RAP1A: variants seen among roughly 807,000 people sequenced by gnomAD.
RAP1A encodes RAP1A, member of RAS oncogene family.
A neutral mutation model predicts 26.4 loss-of-function variants in RAP1A; 6 were observed. The ratio of observed to expected loss-of-function variants is 0.23; its 90% CI spans 0.12 to 0.45. The LOEUF (loss-of-function observed/expected upper bound fraction) is 0.45, where lower values mean the gene tolerates loss of function less well. RAP1A is among the 20% of genes least tolerant of loss of function. The pLI, the probability that RAP1A is intolerant of heterozygous loss-of-function variation, is 0.99. For synonymous variants in RAP1A, 73 were observed against 79.4 expected (o/e 0.92, Z 0.43); for missense variants, 121 against 217.2 (o/e 0.56, Z 2.78).
intron 1 of RAP1A, among the ~76,000 whole-genome samples, chr1:111,579,564 T>G (rs1182055827): frequency 6.6e-6 from 1 of 152,054 alleles, no homozygotes; most frequent in East Asian, 1.9e-4. Context: ...AGGGGAAGAA[T>G]AAACTCAGTC....
chr1:111,653,419 C>T (rs887987980), intron 1 of RAP1A, among the ~76,000 whole-genome samples: 2 of 151,980 alleles, frequency 1.3e-5, no homozygotes, highest in East Asian at 1.9e-4. Context: ...CGGTGGCTCA[C>T]GCCTGTAATC....
intron 1 of RAP1A, among the ~76,000 whole-genome samples, chr1:111,582,267 G>T (rs1658271843): frequency 6.6e-6 from 1 of 152,186 alleles, no homozygotes; most frequent in African/African-American, 2.4e-5. Context: ...ACAGGGCAGG[G>T]CAGGGGCAGA....
At chr1:111,613,130 G>A (rs72983191) in intron 1 of RAP1A, among the ~76,000 whole-genome samples, 2,161 of 150,302 alleles carry the variant, frequency 0.014, 45 homozygotes, top group African/African-American at 0.051. Flanking sequence ...GGTAGATAGC[G>A]CTTTTTTGGT....
chr1:111,666,375 C>CAACAT (rs1185566047), intron 1 of RAP1A, among the ~76,000 whole-genome samples: 1 of 152,080 alleles, frequency 6.6e-6, no homozygotes, highest in Non-Finnish European at 1.5e-5. Context: ...CTCAGCCATG[C>CAACAT]AACATGTGCA....
chr1:111,646,875 T>A (rs545247974), intron 1 of RAP1A, among the ~76,000 whole-genome samples: 83 of 152,320 alleles, frequency 5.4e-4, no homozygotes, highest in African/African-American at 1.9e-3. Context: ...CTAGTTGATT[T>A]ATTTTTTCCT....
chr1:111,675,492 A>G (rs1571551116), intron 1 of RAP1A, among the ~76,000 whole-genome samples: 1 of 150,408 alleles, frequency 6.6e-6, no homozygotes. Flanking sequence ...AACAAAAAAA[A>G]CAGCCTGGAG....
intron 1 of RAP1A, among the ~76,000 whole-genome samples, chr1:111,609,346 TA>T (rs1339707449): frequency 6.6e-6 from 1 of 152,208 alleles, no homozygotes; most frequent in African/African-American, 2.4e-5. Context: ...TCATTATTAT[TA>T]TTTTTTTTAA....
Position 111,648,815 on chromosome 1 carries a change from G to C in RAP1A, c.-28+28881G>C, listed in dbSNP as rs1660165744. The C allele has an allele frequency of 1.0e-5, 7 of 681,778 alleles. No individual in the cohort carries two copies. In the East Asian group the frequency reaches 2.0e-4, roughly 19 times the overall value. The allele number at this position is 681,778 out of a possible 1,614,324, so 42.2% of individuals were successfully genotyped here. A position where few individuals can be genotyped will look rare whatever the true frequency, so the allele number is the denominator to read the frequency against. On this transcript the variant is annotated intron_variant, in intron 1 of 7. Transcript: ENST00000369709. ...GTCGATTCTTTCAAGCCAGCTCATT[G>C]TATTGGGCCGAGATGTCTGCCATGA...
chr1:111,588,432 T>G (rs1298100263), intron 1 of RAP1A, among the ~76,000 whole-genome samples: 2 of 152,200 alleles, frequency 1.3e-5, no homozygotes, highest in Non-Finnish European at 2.9e-5. Context: ...TTTCCCTGTT[T>G]AAAAATACTT....
At chr1:111,710,137 A>G (rs1270151895) in intron 7 of RAP1A, among the ~76,000 whole-genome samples, 1 of 150,810 alleles carries the variant, frequency 6.6e-6, no homozygotes, top group Non-Finnish European at 1.5e-5. Context: ...CCCAAAATTG[A>G]TATTGTCAGT....
At chr1:111,621,876 A>G (rs1378306704) in intron 1 of RAP1A, among the ~76,000 whole-genome samples, 1 of 152,158 alleles carries the variant, frequency 6.6e-6, no homozygotes, top group African/African-American at 2.4e-5. Context: ...GCCTTTGTTC[A>G]CTTTTTGTAT....
intron 1 of RAP1A, among the ~76,000 whole-genome samples, chr1:111,630,519 A>G (rs1412202600): frequency 6.6e-6 from 1 of 152,232 alleles, no homozygotes; most frequent in East Asian, 1.9e-4. Context: ...AAACAAGTAA[A>G]TAAGATAATT....
chr1:111,668,005 C>T (rs540676691), intron 1 of RAP1A, among the ~76,000 whole-genome samples: 43 of 152,304 alleles, frequency 2.8e-4, no homozygotes, highest in Non-Finnish European at 5.9e-4. Flanking sequence ...CCCCTCCCCA[C>T]CCCTACTCCT....
At chr1:111,542,192 G>A (rs1557842602), upstream of RAP1A, 1 of 532,738 alleles carries the variant, frequency 1.9e-6, no homozygotes, top group Non-Finnish European at 3.7e-6. Context: ...AAGGAAGATC[G>A]TTTAGACCAG....
chr1:111,604,497 T>C (rs1003745941), intron 1 of RAP1A: 2 of 152,202 alleles, frequency 1.3e-5, no homozygotes, highest in Non-Finnish European at 1.5e-5. Context: ...GTTCAGCTTA[T>C]ACCCTTAAAA....
At chr1:111,690,884 A>G (rs183617995) in intron 1 of RAP1A, among the ~76,000 whole-genome samples, 124 of 152,358 alleles carry the variant, frequency 8.1e-4, no homozygotes, top group African/African-American at 2.9e-3. Context: ...CTATAATACA[A>G]TAATGAACAA....
chr1:111,598,175 G>A (rs1297295098), intron 1 of RAP1A, among the ~76,000 whole-genome samples: 2 of 152,072 alleles, frequency 1.3e-5, no homozygotes, highest in African/African-American at 2.4e-5. Context: ...TACATAAGAT[G>A]TTTCCATGGT....
chr1:111,555,362 TAAAAAAAAAAAAAAAAA>T (rs397981230), intron 1 of RAP1A, among the ~76,000 whole-genome samples: 2 of 47,652 alleles, frequency 4.2e-5, no homozygotes, highest in South Asian at 1.8e-3. Context: ...TGAGACTCTG[TAAAAAAAAAAAAAAAAA>T]AAAAAAAAAA....
chr1:111,564,114 CTT>C (rs1478346851), intron 1 of RAP1A, among the ~76,000 whole-genome samples: 2 of 152,202 alleles, frequency 1.3e-5, no homozygotes, highest in Admixed American at 1.3e-4. Context: ...TCATGACTAT[CTT>C]TTTACTCCTG....
Sources: allele counts gnomAD v4.1 joint callset (sites outside exome capture counted in the v4.1 genomes callset), GRCh38; gene constraint gnomAD v4.1.1; transcripts MANE v1.5; gene names NCBI Gene and HGNC (gene_info 2026-07-23, HGNC 2026-07-21).